The following ST6GALNAC5 variants were observed in gnomAD, a reference collection of about 807,000 sequenced individuals.
The protein encoded by ST6GALNAC5 is alpha-N-acetylgalactosaminide alpha-2,6-sialyltransferase 5.
In ST6GALNAC5, 27 loss-of-function variants were observed where a neutral mutation model predicts 33.6. The observed-to-expected ratio is 0.80, with a 90% confidence interval of 0.59 to 1.11. The LOEUF (loss-of-function observed/expected upper bound fraction) is 1.11, where lower values mean the gene tolerates loss of function less well. Ranked by LOEUF, ST6GALNAC5 falls within the 50% of genes least tolerant of loss-of-function variation. ST6GALNAC5 has a pLI of 0.00. For synonymous variants in ST6GALNAC5, 194 were observed against 171.2 expected, an observed-to-expected ratio of 1.13 and a Z score of -1.04; for missense variants, 428 against 454.0, an observed-to-expected ratio of 0.94 and a Z score of 0.52.
At position 76,868,591 on chromosome 1, in the gene ST6GALNAC5, CGCAGCAGCAGCA is replaced by C. The variant is rs113832855; in HGVS notation, c.123_134del (p.Gln46_Gln49del). Reference sequence around the variant, plus strand: ...CTCGGCGGCCAGAAGGAGCGGCCCCCGCAGCAGCAGCAGCAGCAGCAGCAACAGCAGCAGCAG... The same window carrying C: ...CTCGGCGGCCAGAAGGAGCGGCCCCCGCAGCAGCAGCAACAGCAGCAGCAG... On this transcript the variant is annotated inframe_deletion, in exon 2 of 5. Coordinates refer to ENST00000477717, the MANE Select transcript of ST6GALNAC5 (RefSeq NM_030965.3). This position sits in a 1 kb window ranked among gnomAD's most constrained non-coding sequence, Gnocchi z 4.3. 1.2e-5 allele frequency: 19 copies of C among 1,609,736 alleles called. No individual in the cohort carries two copies. The highest frequency in any genetic ancestry group is 1.6e-5 in the Non-Finnish European group (19 of 1,178,288).
chr1:76,897,119 G>T (rs562505664), intron 2 of ST6GALNAC5, among the ~76,000 whole-genome samples: 1 of 150,724 alleles, frequency 6.6e-6, no homozygotes, highest in South Asian at 2.1e-4. Flanking sequence ...CTGAAGTAAT[G>T]GGGGCTGCCT....
At chr1:76,967,699 C>T (rs1648559667) in intron 2 of ST6GALNAC5, among the ~76,000 whole-genome samples, 1 of 152,056 alleles carries the variant, frequency 6.6e-6, no homozygotes, top group Non-Finnish European at 1.5e-5. Context: ...TAGATCTTTC[C>T]TGCTTTCTTG....
intron 2 of ST6GALNAC5, among the ~76,000 whole-genome samples, chr1:76,931,452 C>A (rs1189867537): frequency 1.3e-5 from 2 of 152,062 alleles, no homozygotes; most frequent in African/African-American, 4.8e-5. Flanking sequence ...CAAATTTAAC[C>A]TCCAAGCATA....
intron 2 of ST6GALNAC5, among the ~76,000 whole-genome samples, chr1:76,916,262 C>T (rs1646973337): frequency 6.6e-6 from 1 of 152,168 alleles, no homozygotes; most frequent in Non-Finnish European, 1.5e-5. Flanking sequence ...CATCCAGCTA[C>T]ATGCAGCTGC....
At chr1:76,924,945 T>C (rs933637708) in intron 2 of ST6GALNAC5, among the ~76,000 whole-genome samples, 5 of 152,064 alleles carry the variant, frequency 3.3e-5, no homozygotes, top group Admixed American at 6.6e-5. Context: ...GGATTATTTA[T>C]AAAGAAAGGA....
chr1:76,910,683 C>T (rs114735272), intron 2 of ST6GALNAC5, among the ~76,000 whole-genome samples: 2,036 of 152,024 alleles, frequency 0.013, 47 homozygotes, highest in African/African-American at 0.046. Flanking sequence ...TTTGAATAAG[C>T]ATTTATTAAT....
At chr1:76,898,549 G>T (rs149192911) in intron 2 of ST6GALNAC5, among the ~76,000 whole-genome samples, 2,025 of 152,250 alleles carry the variant, frequency 0.013, 46 homozygotes, top group African/African-American at 0.046. Flanking sequence ...AGGGTCTAGG[G>T]CTGTAAAGAG....
Position 77,050,332 on chromosome 1 carries a change from A to G in ST6GALNAC5, c.746A>G (p.Asn249Ser). ...GCACTGGAGCTCTGTGACAGGATCA[A>G]TGTTTATGGCATGGTGCCCCCAGAC... Reference protein sequence around the residue: ...TIALELCDRINVYGMVPPDFC... With the variant: ...TIALELCDRISVYGMVPPDFC... The change falls in exon 4 of 5, where the codon AAT becomes AGT. Residue 249 changes from asparagine to serine, a missense_variant. Asn to Ser is a conservative substitution (Grantham distance 46, BLOSUM62 1). Transcript: ENST00000477717. The G allele has an allele frequency of 2.5e-6, 4 of 1,614,114 alleles. No homozygotes were observed. Among genetic ancestry groups the G allele is most frequent in the Non-Finnish European group, 2.5e-6 (3 of 1,179,944 alleles).
rs568631077 is a variant in ST6GALNAC5, at chr1:77,024,516, C to A, written c.262-19688C>A. On this transcript the variant is annotated intron_variant, in intron 2 of 4. Coordinates refer to ENST00000477717, the MANE Select transcript of ST6GALNAC5 (RefSeq NM_030965.3). ...CATCTCCCAGGGGCTCACTGAAAAG[C>A]CTGTGCCCTTTTCCAGCCTCCGGGC... is the stretch of plus-strand genomic sequence containing the variant. Among the ~76,000 whole-genome samples the A allele has an allele frequency of 1.7e-4, 26 of 152,328 alleles. No individual in the cohort carries two copies. The South Asian group carries it at 2.5e-3, about 15-fold the overall frequency.
At position 76,899,153 on chromosome 1, in the gene ST6GALNAC5, T is replaced by C. The variant is rs536714797; in HGVS notation, c.261+30411T>C. Among the ~76,000 whole-genome samples, 30 of 152,232 alleles carry C rather than the reference T, an allele frequency of 2.0e-4. No homozygotes were observed. The South Asian group carries it at 5.8e-3, about 30-fold the overall frequency. On this transcript the variant is annotated intron_variant, in intron 2 of 4. Transcript: ENST00000477717. ...GAGTTTGTATTGGGGTCAAGCGGCA[T>C]TGCAGAAGAAAATAAGATGGTTAAA...
intron 2 of ST6GALNAC5, among the ~76,000 whole-genome samples, chr1:76,918,679 T>A (rs1376191615): frequency 6.7e-6 from 1 of 148,718 alleles, no homozygotes; most frequent in Non-Finnish European, 1.5e-5. Context: ...CAAGCAGTCC[T>A]CATCCTTCTC....
intron 2 of ST6GALNAC5, among the ~76,000 whole-genome samples, chr1:76,919,418 C>T (rs950127461): frequency 1.3e-5 from 2 of 152,096 alleles, no homozygotes; most frequent in African/African-American, 4.8e-5. Flanking sequence ...GCTGAAAACC[C>T]CCACCTTCTT....
intron 2 of ST6GALNAC5, among the ~76,000 whole-genome samples, chr1:77,024,075 T>A (rs902234342): frequency 1.1e-4 from 17 of 152,206 alleles, no homozygotes; most frequent in Middle Eastern, 3.2e-3. Context: ...AAAGGGCTGC[T>A]TGGTCAGTGT....
intron 2 of ST6GALNAC5, among the ~76,000 whole-genome samples, chr1:77,043,933 G>A (rs112390265): frequency 9.2e-5 from 14 of 152,232 alleles, no homozygotes; most frequent in Admixed American, 3.9e-4. Flanking sequence ...TTGATGTGTC[G>A]ATTTGGTTAT....
chr1:76,937,282 G>T (rs1034642421), intron 2 of ST6GALNAC5, among the ~76,000 whole-genome samples: 2 of 151,902 alleles, frequency 1.3e-5, no homozygotes, highest in African/African-American at 2.4e-5. Context: ...TTTTCTCAAA[G>T]ATAAAAGTTT....
At chr1:76,982,970 T>C (rs1649319436) in intron 2 of ST6GALNAC5, among the ~76,000 whole-genome samples, 1 of 151,980 alleles carries the variant, frequency 6.6e-6, no homozygotes, top group Non-Finnish European at 1.5e-5. Flanking sequence ...CTGAGAGATT[T>C]TGTCACCACC....
At chr1:76,893,411 C>T (rs1190178711) in intron 2 of ST6GALNAC5, among the ~76,000 whole-genome samples, 3 of 152,106 alleles carry the variant, frequency 2.0e-5, no homozygotes, top group Non-Finnish European at 2.9e-5. Flanking sequence ...TCTTTGGAGA[C>T]AAACTGGATT....
At chr1:76,955,717 C>CT (rs1188712002) in intron 2 of ST6GALNAC5, among the ~76,000 whole-genome samples, 1 of 152,110 alleles carries the variant, frequency 6.6e-6, no homozygotes, top group Non-Finnish European at 1.5e-5. Context: ...TCTTGAGGTC[C>CT]TTTTGATTTT....
intron 2 of ST6GALNAC5, among the ~76,000 whole-genome samples, chr1:76,886,114 A>G (rs779432958): frequency 6.6e-6 from 1 of 152,112 alleles, no homozygotes; most frequent in Non-Finnish European, 1.5e-5. Flanking sequence ...TTCCCTGACC[A>G]CCATATAGTA....
Sources: allele counts gnomAD v4.1 joint callset (sites outside exome capture counted in the v4.1 genomes callset), GRCh38; gene constraint gnomAD v4.1.1; non-coding constraint Gnocchi (gnomAD v3.1); transcripts MANE v1.5; gene names NCBI Gene and HGNC (gene_info 2026-07-23, HGNC 2026-07-21).